RIBC2: variants seen among roughly 807,000 people sequenced by gnomAD.
RIBC2 encodes RIB43A-like with coiled-coils protein 2.
In RIBC2, 40 loss-of-function variants were observed where a neutral mutation model predicts 44.3. That is an observed-to-expected ratio of 0.90 (90% confidence interval 0.70 to 1.18). RIBC2 has a LOEUF of 1.18. Ranked by LOEUF, RIBC2 falls within the 50% of genes most tolerant of loss-of-function variation. RIBC2 has a pLI of 0.00. For missense variants in RIBC2, 459 were observed against 485.5 expected, an observed-to-expected ratio of 0.95 and a Z score of 0.51; for synonymous variants, 171 against 175.0, an observed-to-expected ratio of 0.98 and a Z score of 0.18.
intron 5 of RIBC2, among the ~76,000 whole-genome samples, chr22:45,430,145 T>G (rs2087566204): frequency 6.6e-6 from 1 of 152,176 alleles, no homozygotes; most frequent in African/African-American, 2.4e-5. Context: ...CAGCCTGCCT[T>G]CAGTCCCAGG....
rs2087532945 is a variant in RIBC2 at position 45,426,155 on chromosome 22, C to G, written c.883C>G (p.Gln295Glu). 2 of 1,613,716 alleles carry G rather than the reference C, an allele frequency of 1.2e-6. No homozygotes were observed. Among genetic ancestry groups the G allele is most frequent in the Non-Finnish European group, 1.7e-6 (2 of 1,179,948 alleles). ...QLEQIRLVQK[Q>E]QIQEKLRLQE... is the part of the protein sequence containing the mutation. ...GGAGCAGATCCGCCTAGTCCAGAAG[C>G]AGCAAATCCAGGAGAAGCTGGTGAC... The change falls in exon 5 of 7, where the codon CAG (glutamine) becomes GAG (glutamate). Residue 295 changes from glutamine (Q) to glutamate (E), a missense_variant. Gln to Glu is a conservative substitution (Grantham distance 29). Transcript: ENST00000614167.
chr22:45,420,195 C>G (rs925246881), intron 3 of RIBC2, among the ~76,000 whole-genome samples: 12 of 152,198 alleles, frequency 7.9e-5, no homozygotes, highest in Non-Finnish European at 1.3e-4. Context: ...TCCACACTAT[C>G]TTGCTGTTTT....
intron 6 of RIBC2, among the ~76,000 whole-genome samples, 168 bp downstream of exon 6, chr22:45,431,234 G>A (rs2087578047): frequency 1.3e-5 from 2 of 152,200 alleles, no homozygotes; most frequent in Non-Finnish European, 1.5e-5. Context: ...CAGACCCATG[G>A]GCCACAGGTC....
At chr22:45,427,884 C>T (rs1004128905) in intron 5 of RIBC2, among the ~76,000 whole-genome samples, 1 of 152,252 alleles carries the variant, frequency 6.6e-6, no homozygotes, top group African/African-American at 2.4e-5. Context: ...ATCCACCCAC[C>T]TCAGCCTCCC....
Position 45,413,711 on chromosome 22 carries a change from A to G in RIBC2, c.-176A>G. 8.6e-7 allele frequency: 1 copy of G among 1,160,984 alleles called. No individual in the cohort carries two copies. Among genetic ancestry groups the G allele is most frequent in the South Asian group, 1.5e-5 (1 of 67,214 alleles). The allele number at this position is 1,160,984 out of a possible 1,614,324, so 71.9% of individuals were successfully genotyped here. On this transcript the variant is annotated 5_prime_UTR_variant, in exon 1 of 7. Transcript: ENST00000614167. ...GCAACGAGTTGTTGACATTTCCGAG[A>G]GAGCGGGAGCGTCTGTACCTCTGCG... is the stretch of plus-strand genomic sequence containing the variant.
rs868567740 is a variant in RIBC2, at chr22:45,421,556, A to G, written c.557-734A>G. 3.8e-3 allele frequency among the ~76,000 whole-genome samples: 128 copies of G among 34,122 alleles called. 1 individual carries two copies. The highest frequency in any genetic ancestry group is 0.023 in the Middle Eastern group (1 of 44). 22.4% of individuals were successfully genotyped at this position (34,122 alleles called of 152,430 possible). On this transcript the variant is annotated intron_variant, in intron 3 of 6. Transcript: ENST00000614167. ...ATTATTAATAATATTAATAATAATA[A>G]TAGTATTATTAATAATAGTATTATT...
At chr22:45,417,484 G>C in intron 2 of RIBC2, 118 bp from the exon 3 acceptor site, 1 of 773,088 alleles carries the variant, frequency 1.3e-6, no homozygotes, top group Non-Finnish European at 2.0e-6. Context: ...CAGGAGACCA[G>C]CCCAGGCAAC....
rs777283201 is a variant in RIBC2, at chr22:45,432,454, C to T, written c.*92C>T. ...TTTTTTAAAGATACACTCCTTGGGC[C>T]ACAAGTACCCTTCAGCTGTAATCGT... On this transcript the variant is annotated 3_prime_UTR_variant, in exon 7 of 7. Coordinates refer to ENST00000614167, the MANE Select transcript of RIBC2 (RefSeq NM_015653.5). The T allele has an allele frequency of 5.3e-5, 41 of 770,818 alleles. No individual in the cohort carries two copies. Among genetic ancestry groups the T allele is most frequent in the Non-Finnish European group, 8.4e-5 (38 of 450,652 alleles). 47.7% of individuals were successfully genotyped at this position (770,818 alleles called of 1,614,324 possible).
rs1033032312 is a variant in RIBC2 at position 45,420,754 on chromosome 22, G to A, written c.557-1536G>A. Among the ~76,000 whole-genome samples the A allele has an allele frequency of 6.6e-5, 10 of 152,248 alleles. No homozygotes were observed. In the South Asian group the frequency reaches 2.1e-3, roughly 32 times the overall value. On this transcript the variant is annotated intron_variant, in intron 3 of 6. Coordinates refer to ENST00000614167, the MANE Select transcript of RIBC2 (RefSeq NM_015653.5). ...CTCCTGCATATATTTTGAACTGTCC[G>A]CTTGTCCCCATCCCTGCTGTCACCC...
intron 2 of RIBC2, among the ~76,000 whole-genome samples, chr22:45,416,535 C>T (rs1180965257): frequency 6.6e-6 from 1 of 152,154 alleles, no homozygotes; most frequent in African/African-American, 2.4e-5. Context: ...GATCTCGGCT[C>T]ACTGCAACCT....
chr22:45,426,540 G>A (rs2087536265), intron 5 of RIBC2, among the ~76,000 whole-genome samples: 1 of 152,254 alleles, frequency 6.6e-6, no homozygotes, highest in Admixed American at 6.5e-5. Flanking sequence ...AGGGCGTGGA[G>A]CCTGGTGACT....
chr22:45,419,797 C>T (rs1378906622), intron 3 of RIBC2, among the ~76,000 whole-genome samples: 6 of 151,866 alleles, frequency 4.0e-5, no homozygotes, highest in East Asian at 3.9e-4. Context: ...GAGGCTGAGG[C>T]GGGCAGATCA....
chr22:45,422,433 C>T, intron 4 of RIBC2, 25 bp downstream of exon 4: 2 of 1,532,362 alleles, frequency 1.3e-6, no homozygotes, highest in Non-Finnish European at 1.8e-6. Flanking sequence ...CGACCTCGGG[C>T]TCGACGACTG....
chr22:45,430,290 G>A (rs951373522), intron 5 of RIBC2, among the ~76,000 whole-genome samples: 1 of 152,190 alleles, frequency 6.6e-6, no homozygotes, highest in Middle Eastern at 3.2e-3. Context: ...GACAACACAC[G>A]GGGAAGTACC....
intron 3 of RIBC2, among the ~76,000 whole-genome samples, chr22:45,418,565 C>G (rs13056223): frequency 6.6e-6 from 1 of 152,222 alleles, no homozygotes; most frequent in Non-Finnish European, 1.5e-5. Flanking sequence ...CCCGCCCAGC[C>G]ACTTCTGTGC....
chr22:45,426,010 C>A lies in RIBC2; in HGVS notation c.738C>A (p.Ala246=). The A allele has an allele frequency of 6.2e-7, 1 of 1,614,090 alleles. No homozygotes were observed. Among genetic ancestry groups the A allele is most frequent in the Non-Finnish European group, 8.5e-7 (1 of 1,180,026 alleles). The change falls in exon 5 of 7, where the codon GCC becomes GCA. Residue 246 remains alanine (A), a synonymous_variant. Transcript: ENST00000614167. ...AGCAAGAACAAGAGGACAACTTGGCCGAGATCACCAACCTCCTGCGTGGGG... is the reference window on the plus strand; with the variant it reads ...AGCAAGAACAAGAGGACAACTTGGCAGAGATCACCAACCTCCTGCGTGGGG... ...EKKQEQEDNL[A]EITNLLRGDL...
chr22:45,428,227 G>C (rs1428626579), intron 5 of RIBC2, among the ~76,000 whole-genome samples: 6 of 152,336 alleles, frequency 3.9e-5, no homozygotes, highest in African/African-American at 9.6e-5. Context: ...GCAGAGGAGT[G>C]GGGCTGCCAG....
chr22:45,431,174 G>A, intron 6 of RIBC2, 108 bp downstream of exon 6: 2 of 1,320,838 alleles, frequency 1.5e-6, no homozygotes, highest in Non-Finnish European at 2.1e-6. Context: ...CCCCGCCCTG[G>A]TGGTCCTCAT....
chr22:45,426,230 C>T, intron 5 of RIBC2, 55 bp downstream of exon 5: 1 of 1,473,390 alleles, frequency 6.8e-7, no homozygotes, highest in Non-Finnish European at 9.3e-7. Flanking sequence ...TTTGCTCCCA[C>T]TGCCTTCCAG....
Sources: allele counts gnomAD v4.1 joint callset (sites outside exome capture counted in the v4.1 genomes callset), GRCh38; gene constraint gnomAD v4.1.1; transcripts MANE v1.5; gene names NCBI Gene and HGNC (gene_info 2026-07-23, HGNC 2026-07-21).